Variants in KAT6A observed in about 807,000 individuals in gnomAD.
KAT6A encodes lysine acetyltransferase 6A.
KAT6A carries 9 observed loss-of-function variants against 198.4 expected under a neutral mutation model. The ratio of observed to expected loss-of-function variants is 0.05; its 90% CI spans 0.03 to 0.08. The LOEUF (loss-of-function observed/expected upper bound fraction) is 0.08, where lower values mean the gene tolerates loss of function less well. Ranked by LOEUF, KAT6A falls within the 10% of genes least tolerant of loss-of-function variation. KAT6A has a pLI of 1.00. For synonymous variants in KAT6A, 890 were observed against 883.0 expected (o/e 1.01, Z -0.14); for missense variants, 2,077 against 2,509.9 (o/e 0.83, Z 3.69).
Position 41,933,228 on chromosome 8 carries a change from T to TGGC in KAT6A, c.4989_4991dup (p.Pro1664dup). On this transcript the variant is annotated inframe_insertion, in exon 17 of 17. Coordinates refer to ENST00000265713, the MANE Select transcript of KAT6A (RefSeq NM_006766.5). This position sits in a 1 kb window ranked among gnomAD's most constrained non-coding sequence, Gnocchi z 6.2. ...GAGGCTGTGGTGCTGGTTGTGGTTG[T>TGGC]GGCGGCGGCGGCTGTGGCTGCTGTG... is the stretch of plus-strand genomic sequence containing the variant. 1.3e-6 allele frequency: 2 copies of TGGC among 1,553,420 alleles called. No homozygotes were observed. The highest frequency in any genetic ancestry group is 1.7e-6 in the Non-Finnish European group (2 of 1,153,414).
In KAT6A at chr8:41,941,401, T is replaced by C; in HGVS notation, c.2480A>G (p.Tyr827Cys). ...TGGTTTCTTTTCACTTTCTACTGAA[T>C]AAGAATCTTGTTCTTTGTTCTCATG... Reference protein sequence around the residue: ...VSHENKEQDSYSVESEKKPEV... With the variant: ...VSHENKEQDSCSVESEKKPEV... The change falls in exon 15 of 17, where the codon TAT (tyrosine) becomes TGT (cysteine). Residue 827 changes from tyrosine to cysteine, a missense_variant. Coordinates refer to ENST00000265713, the MANE Select transcript of KAT6A (RefSeq NM_006766.5). 4 of 1,608,248 alleles carry C rather than the reference T, an allele frequency of 2.5e-6. No homozygotes were observed. The highest frequency in any genetic ancestry group is 3.4e-6 in the Non-Finnish European group (4 of 1,179,370).
intron 2 of KAT6A, among the ~76,000 whole-genome samples, chr8:42,044,350 CT>C (rs938819110): frequency 4.6e-5 from 7 of 152,154 alleles, no homozygotes; most frequent in Admixed American, 1.3e-4. Context: ...CCACCCCCCC[CT>C]CGGCATCCCA....
At chr8:41,961,786 G>A (rs1587746818) in intron 8 of KAT6A, among the ~76,000 whole-genome samples, 1 of 146,986 alleles carries the variant, frequency 6.8e-6, no homozygotes, top group Non-Finnish European at 1.5e-5. Flanking sequence ...ATCTTCTTTA[G>A]CCCTCACAGC....
At chr8:42,040,380 G>A (rs2150927199) in intron 2 of KAT6A, among the ~76,000 whole-genome samples, 1 of 152,238 alleles carries the variant, frequency 6.6e-6, no homozygotes, top group Non-Finnish European at 1.5e-5. Context: ...CCAATTGGAA[G>A]GTAGACCAAG....
chr8:41,973,913 C>T (rs926471938), intron 8 of KAT6A, among the ~76,000 whole-genome samples: 6 of 152,146 alleles, frequency 3.9e-5, no homozygotes, highest in Non-Finnish European at 8.8e-5. Context: ...TCTCCCAAAA[C>T]ATCAAGTATT....
intron 2 of KAT6A, among the ~76,000 whole-genome samples, chr8:42,041,651 T>C (rs1483043671): frequency 8.6e-5 from 13 of 152,046 alleles, no homozygotes; most frequent in African/African-American, 1.7e-4. Context: ...GGCAGTAGAA[T>C]TGCTTCAACC....
At chr8:41,984,959 G>A in intron 3 of KAT6A, among the ~76,000 whole-genome samples, 1 of 150,444 alleles carries the variant, frequency 6.6e-6, no homozygotes, top group East Asian at 2.0e-4. Context: ...CTCCAGCCTG[G>A]GCAACAGAGT....
rs188797218 is a variant in KAT6A, at chr8:41,983,996, C to T, written c.710-2042G>A. ...AAACATGTTCTTTATACTTATATAG[C>T]TTTTGGCCCTTTGCCATATTTAAAG... On this transcript the variant is annotated intron_variant, in intron 3 of 16. Coordinates refer to ENST00000265713, the MANE Select transcript of KAT6A (RefSeq NM_006766.5). 1.9e-3 allele frequency among the ~76,000 whole-genome samples: 296 copies of T among 152,348 alleles called. 1 individual carries two copies. Among genetic ancestry groups the T allele is most frequent in the Admixed American group, 5.1e-3 (78 of 15,304 alleles).
chr8:41,989,104 G>A (rs1285795935), intron 2 of KAT6A, among the ~76,000 whole-genome samples: 2 of 152,122 alleles, frequency 1.3e-5, no homozygotes, highest in African/African-American at 4.8e-5. Context: ...TTTTCCAGAA[G>A]TATTTAACAG....
At chr8:42,026,356 T>C (rs560946348) in intron 2 of KAT6A, among the ~76,000 whole-genome samples, 1 of 152,214 alleles carries the variant, frequency 6.6e-6, no homozygotes, top group South Asian at 2.1e-4. Flanking sequence ...GTAGATTGCT[T>C]TGGGTAATAT....
At chr8:42,040,972 T>C (rs1827638538) in intron 2 of KAT6A, among the ~76,000 whole-genome samples, 1 of 151,856 alleles carries the variant, frequency 6.6e-6, no homozygotes, top group Non-Finnish European at 1.5e-5. Context: ...CCCAGCACTT[T>C]GGGAAGCCAA....
chr8:41,948,806 A>G (rs959833232), intron 10 of KAT6A, among the ~76,000 whole-genome samples: 12 of 152,126 alleles, frequency 7.9e-5, no homozygotes, highest in African/African-American at 2.9e-4. Flanking sequence ...AACGGCACAT[A>G]AGCAAGTACT....
chr8:41,948,626 A>ACAACAAAC (rs1191009714), intron 10 of KAT6A, among the ~76,000 whole-genome samples: 1 of 152,032 alleles, frequency 6.6e-6, no homozygotes, highest in Admixed American at 6.6e-5. Flanking sequence ...CTCCTCAACA[A>ACAACAAAC]CCCAGGTAGT....
intron 2 of KAT6A, among the ~76,000 whole-genome samples, chr8:42,000,602 T>C (rs1825448252): frequency 6.6e-6 from 1 of 152,124 alleles, no homozygotes; most frequent in Admixed American, 6.5e-5. Context: ...TAGAAGAAGA[T>C]GTTCAACAAG....
At chr8:41,971,819 G>T (rs1299650362) in intron 8 of KAT6A, among the ~76,000 whole-genome samples, 1 of 152,078 alleles carries the variant, frequency 6.6e-6, no homozygotes, top group Non-Finnish European at 1.5e-5. Context: ...ACAGTGGGTT[G>T]GCAGTAGCAA....
At chr8:41,994,171 A>G (rs1453174301) in intron 2 of KAT6A, among the ~76,000 whole-genome samples, 2 of 152,204 alleles carry the variant, frequency 1.3e-5, no homozygotes, top group African/African-American at 4.8e-5. Context: ...TGTTCCTACA[A>G]CTAATAAAAG....
chr8:42,045,806 T>C (rs1222868125), intron 2 of KAT6A, among the ~76,000 whole-genome samples: 16 of 131,386 alleles, frequency 1.2e-4, no homozygotes, highest in Non-Finnish European at 2.5e-4. Context: ...ACCCTGTCTC[T>C]ACTAAAAATA....
chr8:42,033,363 T>TG (rs1827221129), intron 2 of KAT6A, among the ~76,000 whole-genome samples: 1 of 152,192 alleles, frequency 6.6e-6, no homozygotes, highest in East Asian at 1.9e-4. Context: ...ACTCAAAGTG[T>TG]GATATCAAGT....
intron 8 of KAT6A, among the ~76,000 whole-genome samples, chr8:41,962,283 C>G (rs978168750): frequency 6.6e-6 from 1 of 152,056 alleles, no homozygotes; most frequent in Non-Finnish European, 1.5e-5. Flanking sequence ...CTTTGAACTC[C>G]AGAGACACAT....
Sources: allele counts gnomAD v4.1 joint callset (sites outside exome capture counted in the v4.1 genomes callset), GRCh38; gene constraint gnomAD v4.1.1; non-coding constraint Gnocchi (gnomAD v3.1); transcripts MANE v1.5; gene names NCBI Gene and HGNC (gene_info 2026-07-23, HGNC 2026-07-21).